The following SLIT3 variants were observed in gnomAD, a reference collection of about 807,000 sequenced individuals.
SLIT3 encodes the protein slit homolog 3 protein.
SLIT3 carries 68 observed loss-of-function variants against 184.0 expected under a neutral mutation model. The ratio of observed to expected loss-of-function variants is 0.37; its 90% CI spans 0.30 to 0.45. The LOEUF is 0.45. SLIT3 is among the 20% of genes least tolerant of loss of function. The probability of loss-of-function intolerance (pLI) is 1.00; values close to 1 mark genes in which losing one functional copy is unlikely to be tolerated. For missense variants in SLIT3, 1,707 were observed against 2,026.0 expected (o/e 0.84, Z 3.02); for synonymous variants, 831 against 828.6 (o/e 1.00, Z -0.05).
Position 168,762,527 on chromosome 5 carries a change from G to A in SLIT3, c.1610+12C>T, listed in dbSNP as rs1429948767. 6.8e-6 allele frequency: 11 copies of A among 1,610,910 alleles called. No homozygotes were observed. The South Asian group carries it at 9.9e-5, about 14-fold the overall frequency. ...GGGAGGAGTAGGGAGTTCACGCCGA[G>A]GTTGGACTTACAGGTCGGTGACATA... On this transcript the variant is annotated intron_variant, in intron 15 of 35. Transcript: ENST00000519560.
intron 1 of SLIT3, among the ~76,000 whole-genome samples, chr5:169,265,575 C>T (rs532693420): frequency 6.6e-6 from 1 of 152,320 alleles, no homozygotes; most frequent in South Asian, 2.1e-4. Flanking sequence ...GCCCTAGAAT[C>T]AGATAGCCTG....
chr5:168,894,637 G>T (rs888944533), intron 4 of SLIT3, among the ~76,000 whole-genome samples: 1 of 152,204 alleles, frequency 6.6e-6, no homozygotes, highest in Non-Finnish European at 1.5e-5. Context: ...AAGCTGAGGC[G>T]TGGGAATGAG....
intron 1 of SLIT3, among the ~76,000 whole-genome samples, chr5:169,278,308 C>T (rs912408884): frequency 2.6e-4 from 39 of 152,282 alleles, no homozygotes; most frequent in African/African-American, 9.1e-4. Context: ...AATCAGGAAG[C>T]CCACTTGGTA....
chr5:168,735,245 GT>G (rs1374235849), intron 20 of SLIT3, among the ~76,000 whole-genome samples: 1 of 152,138 alleles, frequency 6.6e-6, no homozygotes, highest in Admixed American at 6.5e-5. Context: ...ACAGATCTCT[GT>G]GAATGGGTGT....
chr5:168,787,735 C>A (rs1756207001), intron 11 of SLIT3, among the ~76,000 whole-genome samples: 1 of 152,048 alleles, frequency 6.6e-6, no homozygotes, highest in African/African-American at 2.4e-5. Context: ...GTCTCTAGAC[C>A]CCAAAATAGA....
Position 169,300,077 on chromosome 5 carries a change from A to G in SLIT3, c.197+436T>C, listed in dbSNP as rs892952485. On this transcript the variant is annotated intron_variant, in intron 1 of 35. Coordinates refer to ENST00000519560, the MANE Select transcript of SLIT3 (RefSeq NM_003062.4). This position sits in a 1 kb window ranked among gnomAD's most constrained non-coding sequence, Gnocchi z 4.1. ...CCCATTCTGATCTCCAAGCAGGTCA[A>G]CAGTCTCGGGCCCTCTCTCCCGCCT... Among the ~76,000 whole-genome samples the G allele has an allele frequency of 3.3e-5, 5 of 152,238 alleles. No individual in the cohort carries two copies. Among genetic ancestry groups the G allele is most frequent in the African/African-American group, 1.2e-4 (5 of 41,464 alleles).
intron 3 of SLIT3, among the ~76,000 whole-genome samples, chr5:169,241,317 T>C (rs749301409): frequency 5.9e-5 from 9 of 152,224 alleles, no homozygotes; most frequent in Non-Finnish European, 8.8e-5. Flanking sequence ...AACTTCACAG[T>C]ATTCTTGCAT....
Position 168,710,420 on chromosome 5 carries a change from G to A in SLIT3, c.2719+475C>T, listed in dbSNP as rs570294997. ...TGTACAAAAGTTTGCTGGATAAAAT[G>A]GGAAAATGCTTATGTTTTAATAATG... On this transcript the variant is annotated intron_variant, in intron 25 of 35. Transcript: ENST00000519560. Among the ~76,000 whole-genome samples, 8 of 152,194 alleles carry A rather than the reference G, an allele frequency of 5.3e-5. No homozygotes were observed. The East Asian group carries it at 9.7e-4, about 18-fold the overall frequency.
intron 4 of SLIT3, among the ~76,000 whole-genome samples, chr5:169,187,504 T>TC (rs1463081725): frequency 1.3e-5 from 2 of 152,138 alleles, no homozygotes; most frequent in Non-Finnish European, 2.9e-5. Flanking sequence ...CTTGGTCTGC[T>TC]CATCCTTATA....
At chr5:168,854,352 T>TG (rs1362428073) in intron 5 of SLIT3, among the ~76,000 whole-genome samples, 2 of 105,950 alleles carry the variant, frequency 1.9e-5, no homozygotes, top group African/African-American at 3.7e-5. Flanking sequence ...GTGTTGAGGG[T>TG]GGGGGGTGGG....
intron 4 of SLIT3, among the ~76,000 whole-genome samples, chr5:169,001,258 C>G (rs1755693340): frequency 6.6e-6 from 1 of 152,176 alleles, no homozygotes; most frequent in South Asian, 2.1e-4. Context: ...TATTTTGAAC[C>G]TGTCTTGTCT....
At chr5:169,289,924 C>T (rs1476447596) in intron 1 of SLIT3, among the ~76,000 whole-genome samples, 2 of 151,712 alleles carry the variant, frequency 1.3e-5, no homozygotes, top group African/African-American at 2.4e-5. Flanking sequence ...CATACTAGGG[C>T]ATATGCTAGA....
intron 4 of SLIT3, among the ~76,000 whole-genome samples, chr5:169,097,899 C>G (rs1043326574): frequency 1.3e-5 from 2 of 152,228 alleles, no homozygotes; most frequent in African/African-American, 4.8e-5. Flanking sequence ...AAAGCTGAGA[C>G]CTGCCAAGGC....
At chr5:169,284,456 G>C (rs1004077592) in intron 1 of SLIT3, among the ~76,000 whole-genome samples, 1 of 152,068 alleles carries the variant, frequency 6.6e-6, no homozygotes, top group Non-Finnish European at 1.5e-5. Flanking sequence ...ATTGTTCAGT[G>C]CATAAATTCA....
intron 6 of SLIT3, among the ~76,000 whole-genome samples, chr5:168,824,892 C>T (rs935783202): frequency 7.5e-4 from 114 of 152,304 alleles, no homozygotes; most frequent in Middle Eastern, 3.4e-3. Context: ...CTTGGCTTTT[C>T]GTAAACACAT....
At chr5:168,812,888 TAAA>T (rs59017426) in intron 8 of SLIT3, among the ~76,000 whole-genome samples, 3 of 144,468 alleles carry the variant, frequency 2.1e-5, no homozygotes, top group African/African-American at 5.1e-5. Flanking sequence ...AGTCCCAAAT[TAAA>T]AAAAAAAAAG....
chr5:169,226,448 A>G (rs1764813163), intron 3 of SLIT3, among the ~76,000 whole-genome samples: 1 of 152,118 alleles, frequency 6.6e-6, no homozygotes, highest in South Asian at 2.1e-4. Flanking sequence ...AAGGCCTAGA[A>G]CACACTAAGA....
At chr5:168,919,712 CAA>C (rs1449414495) in intron 4 of SLIT3, among the ~76,000 whole-genome samples, 3 of 151,948 alleles carry the variant, frequency 2.0e-5, no homozygotes, top group Non-Finnish European at 4.4e-5. Flanking sequence ...CCTTGTCTAA[CAA>C]AGATAAAGTT....
Position 169,149,334 on chromosome 5 carries a change from C to T in SLIT3, c.413+44145G>A, listed in dbSNP as rs537811378. On this transcript the variant is annotated intron_variant, in intron 4 of 35. Coordinates refer to ENST00000519560, the MANE Select transcript of SLIT3 (RefSeq NM_003062.4). ...AGCCTAAACTTATGAGAGAATACAA[C>T]ATGGGCTTTTTTTTTTTTTTCAACT... is the stretch of plus-strand genomic sequence containing the variant. 6.6e-4 allele frequency among the ~76,000 whole-genome samples: 93 copies of T among 141,824 alleles called. 2 individuals are homozygous for T. In the South Asian group the frequency reaches 0.02, roughly 30 times the overall value. The allele number at this position is 141,824 out of a possible 152,430, so 93.0% of individuals were successfully genotyped here.
Sources: allele counts gnomAD v4.1 joint callset (sites outside exome capture counted in the v4.1 genomes callset), GRCh38; gene constraint gnomAD v4.1.1; non-coding constraint Gnocchi (gnomAD v3.1); transcripts MANE v1.5; gene names NCBI Gene and HGNC (gene_info 2026-07-23, HGNC 2026-07-21).